Variants in TMCC1 observed in about 807,000 individuals in gnomAD.
TMCC1 encodes the protein transmembrane and coiled-coil domain family 1, also known as transmembrane and coiled-coil domains protein 1.
TMCC1 carries 15 observed loss-of-function variants against 52.4 expected under a neutral mutation model. The observed-to-expected ratio is 0.29, with a 90% CI of 0.19 to 0.44. The LOEUF is 0.44. TMCC1 is among the 20% of genes least tolerant of loss of function. The pLI, the probability that TMCC1 is intolerant of heterozygous loss-of-function variation, is 1.00. For missense variants in TMCC1, 503 were observed against 806.0 expected (o/e 0.62, Z 4.55); for synonymous variants, 279 against 301.9 (o/e 0.92, Z 0.79).
intron 4 of TMCC1, among the ~76,000 whole-genome samples, chr3:129,816,424 T>C (rs981192661): frequency 6.6e-6 from 1 of 152,316 alleles, no homozygotes; most frequent in East Asian, 1.9e-4. Context: ...TGAAATCCTT[T>C]CATTTGCAGC....
At chr3:129,773,765 T>C (rs1437299341) in intron 4 of TMCC1, among the ~76,000 whole-genome samples, 1 of 152,118 alleles carries the variant, frequency 6.6e-6, no homozygotes, top group Non-Finnish European at 1.5e-5. Flanking sequence ...GGCAATATAG[T>C]GAGACCCTGT....
chr3:129,803,510 T>C (rs2057304488), intron 4 of TMCC1, among the ~76,000 whole-genome samples: 1 of 152,234 alleles, frequency 6.6e-6, no homozygotes, highest in Admixed American at 6.5e-5. Context: ...TTATGTGTTT[T>C]TACCACAATA....
At chr3:129,858,459 C>T (rs575041096) in intron 2 of TMCC1, among the ~76,000 whole-genome samples, 3 of 152,302 alleles carry the variant, frequency 2.0e-5, no homozygotes, top group South Asian at 4.1e-4. Context: ...CAACCTCTGC[C>T]TCCTGGACTC....
At chr3:129,733,304 G>A (rs7373704) in intron 4 of TMCC1, among the ~76,000 whole-genome samples, 150,158 of 152,352 alleles carry the variant, frequency 0.99, 74,035 homozygotes, top group East Asian at 1. Flanking sequence ...CAGCCTTTAT[G>A]CATCTTCTCT....
chr3:129,797,548 C>G (rs1387511459), intron 4 of TMCC1, among the ~76,000 whole-genome samples: 1 of 151,970 alleles, frequency 6.6e-6, no homozygotes, highest in Non-Finnish European at 1.5e-5. Context: ...TCGAGAGTAG[C>G]CTGGGCAACA....
At chr3:129,713,949 T>A (rs1375007635) in intron 4 of TMCC1, among the ~76,000 whole-genome samples, 1 of 152,106 alleles carries the variant, frequency 6.6e-6, no homozygotes, top group Non-Finnish European at 1.5e-5. Context: ...CTCAGAATAC[T>A]CGATCTTTCA....
chr3:129,871,471 G>T (rs980282910), intron 2 of TMCC1, among the ~76,000 whole-genome samples: 20 of 150,320 alleles, frequency 1.3e-4, no homozygotes, highest in African/African-American at 4.9e-4. Context: ...TTTCTTTGAT[G>T]CAACATATTA....
chr3:129,846,897 G>C (rs2059691596), intron 2 of TMCC1, among the ~76,000 whole-genome samples: 1 of 144,426 alleles, frequency 6.9e-6, no homozygotes, highest in South Asian at 2.2e-4. Flanking sequence ...AAAAAAAAGG[G>C]CAGGAGGATT....
intron 2 of TMCC1, among the ~76,000 whole-genome samples, chr3:129,853,435 C>A (rs142896656): frequency 4.6e-5 from 7 of 151,344 alleles, no homozygotes; most frequent in African/African-American, 1.5e-4. Context: ...GACCAGCCTA[C>A]GGAACAGTGA....
intron 4 of TMCC1, among the ~76,000 whole-genome samples, chr3:129,779,983 G>A (rs1027300294): frequency 1.3e-5 from 2 of 151,982 alleles, no homozygotes; most frequent in Non-Finnish European, 2.9e-5. Flanking sequence ...TATTGAAAAA[G>A]CTTTCATTTG....
At chr3:129,821,061 T>C (rs1481936756) in intron 4 of TMCC1, among the ~76,000 whole-genome samples, 2 of 152,192 alleles carry the variant, frequency 1.3e-5, no homozygotes, top group African/African-American at 2.4e-5. Context: ...ACTGTTCAAG[T>C]TTTTTTCTTA....
chr3:129,724,819 TA>T (rs2049945777), intron 4 of TMCC1, among the ~76,000 whole-genome samples: 1 of 152,088 alleles, frequency 6.6e-6, no homozygotes, highest in Non-Finnish European at 1.5e-5. Context: ...TTATAACAAG[TA>T]AAATTTAGCC....
chr3:129,875,511 A>G (rs1358677646), intron 2 of TMCC1, among the ~76,000 whole-genome samples: 1 of 150,558 alleles, frequency 6.6e-6, no homozygotes, highest in Non-Finnish European at 1.5e-5. Flanking sequence ...AAAAAAAAAA[A>G]AAAAACAACA....
intron 4 of TMCC1, among the ~76,000 whole-genome samples, chr3:129,673,773 C>T (rs181068669): frequency 6.6e-5 from 10 of 151,822 alleles, no homozygotes; most frequent in Admixed American, 6.6e-5. Context: ...ATAGCTTGAA[C>T]CTGGGAAGCA....
chr3:129,765,392 A>G (rs538406054), intron 4 of TMCC1, among the ~76,000 whole-genome samples: 1 of 152,280 alleles, frequency 6.6e-6, no homozygotes, highest in East Asian at 1.9e-4. Context: ...ATTTTTAAAT[A>G]TAACATCCAT....
intron 4 of TMCC1, among the ~76,000 whole-genome samples, chr3:129,682,462 T>C (rs2089069167): frequency 6.6e-6 from 1 of 152,170 alleles, no homozygotes. Context: ...ACTTCTCCTG[T>C]TTATATTTTA....
intron 4 of TMCC1, among the ~76,000 whole-genome samples, chr3:129,738,761 A>G (rs997884077): frequency 2.6e-5 from 4 of 152,242 alleles, no homozygotes; most frequent in African/African-American, 7.2e-5. Context: ...ATCTCCACTT[A>G]ACTGGAGGAG....
intron 4 of TMCC1, among the ~76,000 whole-genome samples, chr3:129,740,331 C>T (rs2107634147): frequency 6.6e-6 from 1 of 152,304 alleles, no homozygotes; most frequent in Middle Eastern, 3.4e-3. Flanking sequence ...GACATCTCCA[C>T]ACCTCAGTTC....
chr3:129,824,865 C>A (rs773276096), intron 4 of TMCC1, among the ~76,000 whole-genome samples: 6 of 152,114 alleles, frequency 3.9e-5, no homozygotes, highest in Non-Finnish European at 7.4e-5. Context: ...TCTGATTCTC[C>A]CAAGCAAACT....
Sources: gnomAD v4.1 joint callset for allele counts (sites outside exome capture counted in the v4.1 genomes callset) on GRCh38, gnomAD v4.1.1 for gene constraint, MANE v1.5 for transcripts, NCBI Gene and HGNC (gene_info 2026-07-23, HGNC 2026-07-21) for gene names.